The following ARHGAP19 variants were observed in gnomAD, a reference collection of about 807,000 sequenced individuals.
ARHGAP19 encodes Rho GTPase activating protein 19.
ARHGAP19 carries 48 observed loss-of-function variants against 60.9 expected under a neutral mutation model. The observed-to-expected ratio is 0.79, with a 90% CI of 0.62 to 1.00. The LOEUF (loss-of-function observed/expected upper bound fraction) is 1.00. Among genes scored for constraint, ARHGAP19 ranks in the 50% least tolerant of loss-of-function variants. ARHGAP19 has a pLI of 0.00. For missense variants in ARHGAP19, 562 were observed against 597.2 expected, an observed-to-expected ratio of 0.94 and a Z score of 0.61; for synonymous variants, 209 against 215.5, an observed-to-expected ratio of 0.97 and a Z score of 0.27.
chr10:97,248,211 T>C (rs184633391), intron 6 of ARHGAP19, among the ~76,000 whole-genome samples: 95 of 152,206 alleles, frequency 6.2e-4, no homozygotes, highest in African/African-American at 2.0e-3. Flanking sequence ...GCCCAGGAGT[T>C]TGAGACCAGC....
Position 97,233,800 on chromosome 10 carries a change from G to A in ARHGAP19, c.1284+1417C>T, listed in dbSNP as rs185313372. Among the ~76,000 whole-genome samples, 415 of 151,962 alleles carry A rather than the reference G, an allele frequency of 2.7e-3. 1 individual carries two copies. Among genetic ancestry groups the A allele is most frequent in the Non-Finnish European group, 4.8e-3 (328 of 67,976 alleles). ...GGAAAATGGCTTGAAACCAGGAGGC[G>A]GAGGCTGCAGTGAGCTGAGATCAAG... On this transcript the variant is annotated intron_variant, in intron 9 of 11. Coordinates refer to ENST00000358531, the MANE Select transcript of ARHGAP19 (RefSeq NM_032900.6).
chr10:97,260,139 T>C (rs2516326), intron 4 of ARHGAP19, among the ~76,000 whole-genome samples: 129,592 of 151,336 alleles, frequency 0.86, 55,861 homozygotes, highest in Non-Finnish European at 0.91. Context: ...CCGGCCAAAA[T>C]TTTTTTTAAT....
chr10:97,252,711 C>T (rs958602525), intron 6 of ARHGAP19, among the ~76,000 whole-genome samples: 1 of 152,026 alleles, frequency 6.6e-6, no homozygotes, highest in South Asian at 2.1e-4. Context: ...GGTGGGAATG[C>T]AAATTAGTAT....
At chr10:97,291,760 GTAAA>G (rs1445408423) in intron 1 of ARHGAP19, among the ~76,000 whole-genome samples, 19 of 152,278 alleles carry the variant, frequency 1.2e-4, no homozygotes, top group Admixed American at 1.2e-3. Context: ...CTGAGGCAAC[GTAAA>G]TAAACTCAAT....
intron 8 of ARHGAP19, 77 bp from the exon 9 acceptor site, chr10:97,235,392 G>A: frequency 7.7e-7 from 1 of 1,304,766 alleles, no homozygotes; most frequent in South Asian, 1.2e-5. Context: ...TAATAGCTAA[G>A]TGTAAATAAA....
intron 9 of ARHGAP19, among the ~76,000 whole-genome samples, chr10:97,231,059 CAAAAAAAAAAAA>C (rs869291841): frequency 8.4e-5 from 5 of 59,764 alleles, no homozygotes; most frequent in African/African-American, 2.1e-4. Flanking sequence ...CTTGTCTCAC[CAAAAAAAAAAAA>C]AAAAAAAAAA....
chr10:97,242,264 TTC>T (rs1414198629), intron 8 of ARHGAP19, among the ~76,000 whole-genome samples: 1 of 150,294 alleles, frequency 6.7e-6, no homozygotes, highest in Non-Finnish European at 1.5e-5. Context: ...CTCTATAATT[TTC>T]TGTTTTTCTA....
intron 1 of ARHGAP19, among the ~76,000 whole-genome samples, chr10:97,291,238 A>G (rs1843227537): frequency 1.3e-5 from 2 of 152,142 alleles, no homozygotes; most frequent in South Asian, 4.1e-4. Context: ...TTTTCACTCT[A>G]TTTCACTCTA....
chr10:97,264,858 T>C lies in ARHGAP19; in HGVS notation c.371A>G (p.Gln124Arg), dbSNP rs1474861014. 27 of 1,613,646 alleles carry C rather than the reference T, an allele frequency of 1.7e-5. No homozygotes were observed. The highest frequency in any genetic ancestry group is 2.3e-5 in the Non-Finnish European group (27 of 1,179,658). Residue 124 changes from glutamine to arginine, a missense_variant, in exon 3 of 12, where the codon CAG (glutamine) becomes CGG (arginine). Gln to Arg is a conservative substitution (Grantham distance 43). Coordinates refer to ENST00000358531, the MANE Select transcript of ARHGAP19 (RefSeq NM_032900.6). ...GSPLTEEGIA[Q>R]IYQLIEYLHK... is the part of the protein sequence containing the mutation. Reference sequence around the variant, plus strand: ...TAGATACTCAATCAGTTGGTATATCTGGGCAATGCCTTCCTCCGTCAGTGG... The same window carrying C: ...TAGATACTCAATCAGTTGGTATATCCGGGCAATGCCTTCCTCCGTCAGTGG...
intron 8 of ARHGAP19, among the ~76,000 whole-genome samples, chr10:97,239,318 C>T (rs988209122): frequency 6.6e-6 from 1 of 151,970 alleles, no homozygotes; most frequent in Non-Finnish European, 1.5e-5. Flanking sequence ...CATGGTGAAA[C>T]CCCGTCTCTA....
chr10:97,282,906 G>A (rs1408496962), intron 1 of ARHGAP19, among the ~76,000 whole-genome samples: 4 of 143,056 alleles, frequency 2.8e-5, no homozygotes, highest in African/African-American at 1.0e-4. Context: ...GCAGTGGTGC[G>A]ATCTCGGCTT....
intron 8 of ARHGAP19, among the ~76,000 whole-genome samples, chr10:97,237,064 T>C (rs904621855): frequency 2.0e-5 from 3 of 151,656 alleles, no homozygotes; most frequent in East Asian, 2.0e-4. Flanking sequence ...CAAGAGTTCA[T>C]GACCAGCCTG....
chr10:97,249,013 T>C (rs1175056034), intron 6 of ARHGAP19, among the ~76,000 whole-genome samples: 1 of 152,110 alleles, frequency 6.6e-6, no homozygotes, highest in Non-Finnish European at 1.5e-5. Context: ...AGATGGGGTT[T>C]TGCCACATTG....
chr10:97,256,538 G>A lies in ARHGAP19; in HGVS notation c.841-134C>T, dbSNP rs1589461149. On this transcript the variant is annotated intron_variant, in intron 5 of 11. Coordinates refer to ENST00000358531, the MANE Select transcript of ARHGAP19 (RefSeq NM_032900.6). ...GCCTCTAATACAATGTTTAATTCTG[G>A]GAAGACTTTTTGGTTCATCAGGATA... is the stretch of plus-strand genomic sequence containing the variant. 4.7e-6 allele frequency: 3 copies of A among 634,636 alleles called. No homozygotes were observed. In the East Asian group the frequency reaches 8.3e-5, roughly 18 times the overall value. 39.3% of individuals were successfully genotyped at this position (634,636 alleles called of 1,614,324 possible). A position where few individuals can be genotyped will look rare whatever the true frequency, so the allele number is the denominator to read the frequency against.
rs145620062 is a variant in ARHGAP19, at chr10:97,226,615, A to C, written c.1475-483T>G. 6.6e-5 allele frequency among the ~76,000 whole-genome samples: 10 copies of C among 152,312 alleles called. No individual in the cohort carries two copies. In the East Asian group the frequency reaches 1.9e-3, roughly 29 times the overall value. On this transcript the variant is annotated intron_variant, in intron 11 of 11. Coordinates refer to ENST00000358531, the MANE Select transcript of ARHGAP19 (RefSeq NM_032900.6). ...AGCCGACTCAGCACAAGGCACTGTC[A>C]TTTTTCGGAAGATGAGAAGAACAGG...
intron 9 of ARHGAP19, among the ~76,000 whole-genome samples, chr10:97,234,305 C>G (rs572555580): frequency 5.4e-4 from 82 of 151,416 alleles, no homozygotes; most frequent in Non-Finnish European, 1.1e-3. Flanking sequence ...CTAACGCATG[C>G]TGGGCTTCAT....
chr10:97,281,620 A>G (rs1354183135), intron 1 of ARHGAP19, among the ~76,000 whole-genome samples: 1 of 152,198 alleles, frequency 6.6e-6, no homozygotes, highest in Non-Finnish European at 1.5e-5. Context: ...TGTAAGGTAT[A>G]GGGGACAAAA....
intron 6 of ARHGAP19, among the ~76,000 whole-genome samples, chr10:97,249,193 ATCTT>A (rs938502462): frequency 2.0e-5 from 3 of 152,204 alleles, no homozygotes; most frequent in African/African-American, 7.2e-5. Context: ...AAATTAGAAA[ATCTT>A]TATTTTTAAT....
At chr10:97,243,463 A>G (rs933636716) in intron 8 of ARHGAP19, among the ~76,000 whole-genome samples, 1 of 152,210 alleles carries the variant, frequency 6.6e-6, no homozygotes, top group Non-Finnish European at 1.5e-5. Flanking sequence ...CCTACTTTCT[A>G]GTATCAGACT....
Sources: gnomAD v4.1 joint callset for allele counts (sites outside exome capture counted in the v4.1 genomes callset) on GRCh38, gnomAD v4.1.1 for gene constraint, MANE v1.5 for transcripts, NCBI Gene and HGNC (gene_info 2026-07-23, HGNC 2026-07-21) for gene names.